The following TCF7L2 variants were observed in gnomAD, a reference collection of about 807,000 sequenced individuals.
The protein encoded by TCF7L2 is transcription factor 7-like 2.
TCF7L2 carries 23 observed loss-of-function variants against 77.9 expected under a neutral mutation model. The ratio of observed to expected loss-of-function variants is 0.30; its 90% CI spans 0.21 to 0.42. The LOEUF (loss-of-function observed/expected upper bound fraction) is 0.42, where lower values mean the gene tolerates loss of function less well. Ranked by LOEUF, TCF7L2 falls within the 10% of genes least tolerant of loss-of-function variation. TCF7L2 has a pLI of 1.00. For missense variants in TCF7L2, 654 were observed against 793.1 expected (o/e 0.82, Z 2.11); for synonymous variants, 413 against 340.2 (o/e 1.21, Z -2.36).
chr10:113,135,276 C>G (rs993602686), intron 5 of TCF7L2, among the ~76,000 whole-genome samples: 3 of 152,214 alleles, frequency 2.0e-5, no homozygotes, highest in Non-Finnish European at 4.4e-5. Flanking sequence ...AGGTCAGCCA[C>G]AGGGGCGCCT....
chr10:113,004,605 C>T (rs775452180), intron 4 of TCF7L2, among the ~76,000 whole-genome samples: 17 of 152,194 alleles, frequency 1.1e-4, no homozygotes, highest in Non-Finnish European at 2.1e-4. Context: ...CAATCTTAAA[C>T]GTCTTCAGAC....
chr10:113,130,499 T>C (rs1241337219), intron 5 of TCF7L2, among the ~76,000 whole-genome samples: 1 of 152,230 alleles, frequency 6.6e-6, no homozygotes, highest in African/African-American at 2.4e-5. Context: ...GGTTTCATAT[T>C]TAATGCTAAC....
chr10:113,114,038 C>T (rs1019239565), intron 5 of TCF7L2, among the ~76,000 whole-genome samples: 1 of 152,140 alleles, frequency 6.6e-6, no homozygotes, highest in Non-Finnish European at 1.5e-5. Context: ...CCCTCTAATC[C>T]TGTGAGTTTT....
At chr10:112,965,615 CTGTGTGTGTGTATATGTGTGTG>C (rs1564720761) in intron 4 of TCF7L2, among the ~76,000 whole-genome samples, 1 of 144,030 alleles carries the variant, frequency 6.9e-6, no homozygotes, top group South Asian at 2.2e-4. Flanking sequence ...GATAACTTGT[CTGTGTGTGTGTATATGTGTGTG>C]TGTGTGTGTG....
At chr10:112,995,578 C>T (rs762421304) in intron 4 of TCF7L2, among the ~76,000 whole-genome samples, 6 of 152,148 alleles carry the variant, frequency 3.9e-5, no homozygotes, top group Non-Finnish European at 5.9e-5. Flanking sequence ...CCACATCAGG[C>T]AGCTCAGAAC....
intron 4 of TCF7L2, among the ~76,000 whole-genome samples, chr10:112,999,659 G>A (rs936683031): frequency 7.9e-5 from 12 of 152,194 alleles, no homozygotes; most frequent in Non-Finnish European, 1.8e-4. Flanking sequence ...AAAATAAGGC[G>A]TATGTAGAAA....
chr10:112,987,577 C>T (rs188488550), intron 4 of TCF7L2: 5 of 152,180 alleles, frequency 3.3e-5, no homozygotes, highest in East Asian at 3.9e-4. Flanking sequence ...GCTCCAGAGT[C>T]GTCCAGTTTC....
chr10:113,088,241 G>A (rs1328420825), intron 5 of TCF7L2, among the ~76,000 whole-genome samples: 1 of 151,994 alleles, frequency 6.6e-6, no homozygotes, highest in Non-Finnish European at 1.5e-5. Context: ...TGTTTATAGA[G>A]CCTGTTTATA....
intron 4 of TCF7L2, among the ~76,000 whole-genome samples, chr10:112,989,277 G>A (rs575680191): frequency 5.3e-5 from 8 of 151,608 alleles, no homozygotes; most frequent in East Asian, 1.9e-4. Flanking sequence ...GGCCTTGCAC[G>A]TGACATTGGT....
rs1591201698 is a variant in TCF7L2 at position 113,063,681 on chromosome 10, A to C, written c.552+23555A>C. On this transcript the variant is annotated intron_variant, in intron 5 of 13. Transcript: ENST00000627217. ...GTCCTCCTGGCATGCTTCTGTTGAA[A>C]CCCCCACACCCGGGTGATTCCTTGC... Among the ~76,000 whole-genome samples, 3 of 150,938 alleles carry C rather than the reference A, an allele frequency of 2.0e-5. No homozygotes were observed. The Admixed American group carries it at 2.0e-4, about 10-fold the overall frequency.
chr10:113,160,683 A>G lies in TCF7L2; in HGVS notation c.1383A>G (p.Lys461=). Residue 461 remains lysine (K), a synonymous_variant, in exon 13 of 14, where the codon AAA becomes AAG. Coordinates refer to ENST00000627217, the MANE Select transcript of TCF7L2 (RefSeq NM_001146274.2). ...TTGACCGACAGACTTTATGGTGCAA[A>G]CCGTGCAGGTATATTACCACTGCGA... is the stretch of plus-strand genomic sequence containing the variant. 6.3e-7 allele frequency: 1 copy of G among 1,592,380 alleles called. No individual in the cohort carries two copies. The highest frequency in any genetic ancestry group is 8.6e-7 in the Non-Finnish European group (1 of 1,168,834).
rs754099726 is a variant in TCF7L2 at position 112,950,847 on chromosome 10, A to G, written c.91A>G (p.Ser31Gly). The change falls in exon 1 of 14, where the codon AGC (serine) becomes GGC (glycine). Residue 31 changes from serine to glycine, a missense_variant. Coordinates refer to ENST00000627217, the MANE Select transcript of TCF7L2 (RefSeq NM_001146274.2). The stretch of plus-strand genomic sequence containing the variant: ...AGACGAGGGCGAACAGGAGGAGAAG[A>G]GCTCCGAAAACTCCTCGGCAGAGAG... 2.5e-6 allele frequency: 4 copies of G among 1,609,476 alleles called. No homozygotes were observed. The Admixed American group carries it at 5.0e-5, about 20-fold the overall frequency.
At position 112,964,585 on chromosome 10, in the gene TCF7L2, C is replaced by T. The variant is rs2036062727; in HGVS notation, c.411C>T (p.Tyr137=). Residue 137 remains tyrosine, a synonymous_variant, in exon 4 of 14, where the codon TAC becomes TAT. Transcript: ENST00000627217. ...ATTTTCAGTCCGGCAGCACACATTACTCTGCGTACAAAACGATTGAACACC... is the reference window on the plus strand; with the variant it reads ...ATTTTCAGTCCGGCAGCACACATTATTCTGCGTACAAAACGATTGAACACC... The T allele has an allele frequency of 1.9e-6, 3 of 1,613,462 alleles. No individual in the cohort carries two copies. Among genetic ancestry groups the T allele is most frequent in the Non-Finnish European group, 2.5e-6 (3 of 1,179,536 alleles).
chr10:113,127,368 C>G (rs893976878), intron 5 of TCF7L2, among the ~76,000 whole-genome samples: 2 of 151,800 alleles, frequency 1.3e-5, no homozygotes, highest in Non-Finnish European at 2.9e-5. Context: ...TCCATCCATT[C>G]CTCCAAGACC....
intron 4 of TCF7L2, among the ~76,000 whole-genome samples, chr10:113,029,908 C>A (rs756470663): frequency 2.0e-5 from 3 of 152,112 alleles, no homozygotes; most frequent in Non-Finnish European, 4.4e-5. Context: ...TTCAGTTCAT[C>A]TTAAATTCAC....
chr10:112,951,031 G>A (rs1488029333), intron 1 of TCF7L2, 86 bp downstream of exon 1: 5 of 1,493,576 alleles, frequency 3.3e-6, no homozygotes, highest in African/African-American at 2.9e-5. Context: ...AATCGGGGCT[G>A]GGGGCGGCGG....
intron 5 of TCF7L2, among the ~76,000 whole-genome samples, chr10:113,061,972 C>T (rs931313162): frequency 1.3e-5 from 2 of 152,160 alleles, no homozygotes; most frequent in East Asian, 1.9e-4. Flanking sequence ...AGGCAAACAC[C>T]GTCATTCTAC....
chr10:112,958,541 A>G (rs908080692), intron 3 of TCF7L2, among the ~76,000 whole-genome samples: 1 of 152,036 alleles, frequency 6.6e-6, no homozygotes, highest in African/African-American at 2.4e-5. Context: ...CATGTGGTAA[A>G]TTGTAAAGTC....
chr10:112,960,217 G>A (rs1334980790), intron 3 of TCF7L2, among the ~76,000 whole-genome samples: 1 of 152,100 alleles, frequency 6.6e-6, no homozygotes, highest in Admixed American at 6.6e-5. Context: ...CCATGTCTGG[G>A]TATCTCTGAT....
Sources: gnomAD v4.1 joint callset for allele counts (sites outside exome capture counted in the v4.1 genomes callset) on GRCh38, gnomAD v4.1.1 for gene constraint, MANE v1.5 for transcripts, NCBI Gene and HGNC (gene_info 2026-07-23, HGNC 2026-07-21) for gene names.